INHBC: variants seen among roughly 807,000 people sequenced by gnomAD.
INHBC encodes inhibin beta C chain.
A neutral mutation model predicts 12.4 loss-of-function variants in INHBC; 10 were observed. The ratio of observed to expected loss-of-function variants is 0.81; its 90% CI spans 0.50 to 1.37. The LOEUF (loss-of-function observed/expected upper bound fraction) is 1.37, where lower values mean the gene tolerates loss of function less well. Ranked by LOEUF, INHBC falls within the 40% of genes most tolerant of loss-of-function variation. The pLI, the probability that INHBC is intolerant of heterozygous loss-of-function variation, is 0.00. For missense variants in INHBC, 382 were observed against 439.4 expected (o/e 0.87, Z 1.17); for synonymous variants, 147 against 171.6 (o/e 0.86, Z 1.12).
At chr12:57,443,718 T>A (rs1308017987) in intron 1 of INHBC, among the ~76,000 whole-genome samples, 3 of 152,244 alleles carry the variant, frequency 2.0e-5, no homozygotes, top group Non-Finnish European at 2.9e-5. Flanking sequence ...GATCCATCCA[T>A]GTTTTGGGAA....
Position 57,435,198 on chromosome 12 carries a change from A to G in INHBC, c.312A>G (p.Thr104=). 6.2e-7 allele frequency: 1 copy of G among 1,608,112 alleles called. No individual in the cohort carries two copies. Among genetic ancestry groups the G allele is most frequent in the Non-Finnish European group, 8.5e-7 (1 of 1,175,638 alleles). Residue 104 remains threonine, a splice_region_variant and synonymous_variant, in exon 1 of 2, where the codon ACA becomes ACG. Coordinates refer to ENST00000309668, the MANE Select transcript of INHBC (RefSeq NM_005538.4). ...GTGAAATCATCAGCTTTGCTGAGAC[A>G]GGTGGGTTCCTGATCTGTAGCTCTT... is the stretch of plus-strand genomic sequence containing the variant. ...QECEIISFAE[T]GLSTINQTRL... is the part of the protein sequence containing the mutation.
At chr12:57,443,919 G>A (rs1395293993) in intron 1 of INHBC, among the ~76,000 whole-genome samples, 3 of 152,114 alleles carry the variant, frequency 2.0e-5, no homozygotes, top group African/African-American at 7.2e-5. Flanking sequence ...CTCCTGAGTA[G>A]CTGGGACTAC....
chr12:57,435,509 A>G (rs574897364), intron 1 of INHBC, among the ~76,000 whole-genome samples: 2 of 152,276 alleles, frequency 1.3e-5, no homozygotes, highest in Admixed American at 1.3e-4. Flanking sequence ...GTGTGAGCCC[A>G]TCCACTTCCT....
At chr12:57,442,980 A>G (rs1179839880) in intron 1 of INHBC, among the ~76,000 whole-genome samples, 1 of 147,616 alleles carries the variant, frequency 6.8e-6, no homozygotes, top group Non-Finnish European at 1.5e-5. Context: ...GACAAGAGTG[A>G]GACTCCGTCT....
chr12:57,451,954 TTAA>T lies in INHBC; in HGVS notation c.*1934_*1936del. On this transcript the variant is annotated 3_prime_UTR_variant, in exon 2 of 2. Coordinates refer to ENST00000309668, the MANE Select transcript of INHBC (RefSeq NM_005538.4). ...TTTTAAGGGGGTGGTGAACAATTTA[TTAA>T]TCAAGATAGGACTTTAATGCAATAT... 1 of 415,452 alleles carries T rather than the reference TTAA, an allele frequency of 2.4e-6. No homozygotes were observed. Among genetic ancestry groups the T allele is most frequent in the Non-Finnish European group, 4.8e-6 (1 of 209,592 alleles). The allele number at this position is 415,452 out of a possible 1,614,324, so 25.7% of individuals were successfully genotyped here. A position where few individuals can be genotyped will look rare whatever the true frequency, so the allele number is the denominator to read the frequency against.
chr12:57,448,862 T>C (rs1870643792), intron 1 of INHBC, among the ~76,000 whole-genome samples: 1 of 152,220 alleles, frequency 6.6e-6, no homozygotes, highest in Non-Finnish European at 1.5e-5. Flanking sequence ...TCATTTATAA[T>C]GAGCAGAAAT....
intron 1 of INHBC, among the ~76,000 whole-genome samples, chr12:57,444,811 G>A (rs1206706134): frequency 3.3e-5 from 5 of 152,038 alleles, no homozygotes; most frequent in African/African-American, 9.6e-5. Flanking sequence ...GATTACAGAT[G>A]TGTTCCTCCA....
Position 57,449,681 on chromosome 12 carries a change from T to A in INHBC, c.718T>A (p.Cys240Ser). ...CCAGATTCACCGACGAGGCATCGAC[T>A]GCCAAGGAGGGTCCAGGATGTGCTG... ...KHQIHRRGID[C>S]QGGSRMCCRQ... Residue 240 changes from cysteine to serine, a missense_variant, in exon 2 of 2, where the codon TGC (cysteine) becomes AGC (serine). Coordinates refer to ENST00000309668, the MANE Select transcript of INHBC (RefSeq NM_005538.4). The A allele has an allele frequency of 6.2e-7, 1 of 1,614,238 alleles. No homozygotes were observed. Among genetic ancestry groups the A allele is most frequent in the East Asian group, 2.2e-5 (1 of 44,890 alleles).
At chr12:57,447,892 A>AAAATAAAT (rs1555325179) in intron 1 of INHBC, among the ~76,000 whole-genome samples, 1 of 19,852 alleles carries the variant, frequency 5.0e-5, no homozygotes, top group African/African-American at 1.6e-4. Flanking sequence ...AAAAAAAAAA[A>AAAATAAAT]ATATATATAT....
At chr12:57,447,892 A>AATATAT (rs1241342566) in intron 1 of INHBC, among the ~76,000 whole-genome samples, 546 of 19,758 alleles carry the variant, frequency 0.028, 14 homozygotes, top group Middle Eastern at 0.14. Context: ...AAAAAAAAAA[A>AATATAT]ATATATATAT....
intron 1 of INHBC, among the ~76,000 whole-genome samples, chr12:57,441,873 G>T (rs1400851223): frequency 2.0e-5 from 3 of 151,930 alleles, no homozygotes; most frequent in African/African-American, 4.8e-5. Context: ...TAGAGACAGG[G>T]TTTCACCATG....
chr12:57,445,888 G>A (rs1292690104), intron 1 of INHBC, among the ~76,000 whole-genome samples: 1 of 151,916 alleles, frequency 6.6e-6, no homozygotes, highest in Non-Finnish European at 1.5e-5. Flanking sequence ...TGGGATTACA[G>A]GTGCCCGCAG....
At position 57,450,107 on chromosome 12, in the gene INHBC, T is replaced by C; in HGVS notation, c.*85T>C. 7.3e-7 allele frequency: 1 copy of C among 1,364,820 alleles called. No individual in the cohort carries two copies. The highest frequency in any genetic ancestry group is 9.7e-7 in the Non-Finnish European group (1 of 1,035,296). 84.5% of individuals were successfully genotyped at this position (1,364,820 alleles called of 1,614,324 possible). ...ACTTCCTTGAGAGGAGGGAATGACCTCATTCTCTGTCCAGAATGTGGACTC... is the reference window on the plus strand; with the variant it reads ...ACTTCCTTGAGAGGAGGGAATGACCCCATTCTCTGTCCAGAATGTGGACTC... On this transcript the variant is annotated 3_prime_UTR_variant, in exon 2 of 2. Coordinates refer to ENST00000309668, the MANE Select transcript of INHBC (RefSeq NM_005538.4).
chr12:57,436,478 T>TC (rs1320482724), intron 1 of INHBC, among the ~76,000 whole-genome samples: 23 of 140,902 alleles, frequency 1.6e-4, no homozygotes, highest in African/African-American at 5.9e-4. Context: ...TTTTTCTTTT[T>TC]TTTTTTTTTT....
intron 1 of INHBC, 39 bp from the exon 2 acceptor site, chr12:57,449,238 T>G: frequency 6.4e-7 from 1 of 1,573,006 alleles, no homozygotes; most frequent in Non-Finnish European, 8.6e-7. Context: ...GAACTGACAG[T>G]CAGAAGGCCG....
In INHBC at chr12:57,435,160, A is replaced by G. The variant is rs774892935; in HGVS notation, c.274A>G (p.Arg92Gly). 2 of 1,614,062 alleles carry G rather than the reference A, an allele frequency of 1.2e-6. No homozygotes were observed. The highest frequency in any genetic ancestry group is 1.7e-5 in the Admixed American group (1 of 60,012). ...VPQGALLEDN[R>G]EQECEIISFA... ...ACAGGGGGCACTTCTAGAGGACAAC[A>G]GGGAACAGGAATGTGAAATCATCAG... Residue 92 changes from arginine (R) to glycine (G), a missense_variant, in exon 1 of 2, where the codon AGG (arginine) becomes GGG (glycine). Coordinates refer to ENST00000309668, the MANE Select transcript of INHBC (RefSeq NM_005538.4).
Position 57,449,877 on chromosome 12 carries a change from A to G in INHBC, c.914A>G (p.Asn305Ser), listed in dbSNP as rs1566552004. ...HTAVLNLLKA[N>S]TAAGTTGGGS... ...GCAGTGCTCAATCTTCTCAAGGCCA[A>G]CACAGCTGCAGGCACCACTGGAGGG... The change falls in exon 2 of 2, where the codon AAC becomes AGC. Residue 305 changes from asparagine to serine, a missense_variant. By Grantham distance (46) the Asn-to-Ser change is conservative. Transcript: ENST00000309668. 13 of 1,612,318 alleles carry G rather than the reference A, an allele frequency of 8.1e-6. No homozygotes were observed. The highest frequency in any genetic ancestry group is 8.5e-6 in the Non-Finnish European group (10 of 1,178,956).
intron 1 of INHBC, among the ~76,000 whole-genome samples, chr12:57,436,134 C>T (rs2943691): frequency 0.23 from 34,484 of 146,872 alleles, 4,363 homozygotes; most frequent in South Asian, 0.44. Context: ...CGTGAGCCAC[C>T]GCGCCCGGCA....
chr12:57,446,309 T>G (rs771518520), intron 1 of INHBC, among the ~76,000 whole-genome samples: 4 of 151,894 alleles, frequency 2.6e-5, no homozygotes, highest in Non-Finnish European at 4.4e-5. Context: ...AGATAGCCAC[T>G]TGGACATACA....
Sources: gnomAD v4.1 joint callset for allele counts (sites outside exome capture counted in the v4.1 genomes callset) on GRCh38, gnomAD v4.1.1 for gene constraint, MANE v1.5 for transcripts, NCBI Gene and HGNC (gene_info 2026-07-23, HGNC 2026-07-21) for gene names.